The following FARP2 variants were observed in gnomAD, a reference collection of about 807,000 sequenced individuals.
FARP2 encodes the protein FERM, ARHGEF and pleckstrin domain-containing protein 2.
A neutral mutation model predicts 130.5 loss-of-function variants in FARP2; 111 were observed. The observed-to-expected ratio is 0.85, with a 90% CI of 0.73 to 1.00. The LOEUF (loss-of-function observed/expected upper bound fraction) is 1.00, where lower values mean the gene tolerates loss of function less well. FARP2 is among the 50% of genes least tolerant of loss of function. The pLI is 0.00. For missense variants in FARP2, 1,385 were observed against 1,346.3 expected, an observed-to-expected ratio of 1.03 and a Z score of -0.45; for synonymous variants, 504 against 516.9, an observed-to-expected ratio of 0.98 and a Z score of 0.34.
intron 13 of FARP2, 156 bp from the exon 14 acceptor site, chr2:241,456,591 T>C: frequency 1.5e-6 from 1 of 676,920 alleles, no homozygotes; most frequent in Non-Finnish European, 2.6e-6. Context: ...TGTTTAGAAT[T>C]GTGTGTGATA....
intron 14 of FARP2, among the ~76,000 whole-genome samples, chr2:241,457,573 C>T (rs112471192): frequency 1.5e-3 from 101 of 65,640 alleles, no homozygotes; most frequent in East Asian, 4.9e-3. Context: ...CGGAGAGGCT[C>T]TTGGGCGGGA....
chr2:241,396,398 A>G (rs552114264), intron 2 of FARP2, among the ~76,000 whole-genome samples: 8 of 152,034 alleles, frequency 5.3e-5, no homozygotes, highest in African/African-American at 1.7e-4. Flanking sequence ...TGAACAGGCA[A>G]CCTACAAAAT....
At chr2:241,450,717 C>G (rs980477045) in intron 13 of FARP2, among the ~76,000 whole-genome samples, 1 of 149,314 alleles carries the variant, frequency 6.7e-6, no homozygotes, top group Non-Finnish European at 1.5e-5. Context: ...CCCAGCAATT[C>G]GGGAGGCTGA....
At chr2:241,394,634 T>A in intron 2 of FARP2, among the ~76,000 whole-genome samples, 1 of 151,928 alleles carries the variant, frequency 6.6e-6, no homozygotes, top group Non-Finnish European at 1.5e-5. Context: ...TTATGGAGAG[T>A]GAACCTGTGG....
chr2:241,453,490 T>C (rs1022736693), intron 13 of FARP2, among the ~76,000 whole-genome samples: 99 of 150,486 alleles, frequency 6.6e-4, no homozygotes, highest in African/African-American at 1.6e-3. Context: ...GGCATGGTGG[T>C]GGGAGCCTGT....
intron 1 of FARP2, among the ~76,000 whole-genome samples, chr2:241,372,278 TG>T (rs2061441401): frequency 6.6e-6 from 1 of 152,000 alleles, no homozygotes; most frequent in African/African-American, 2.4e-5. Context: ...ATTGTGAGAA[TG>T]GGCAGGAGCT....
intron 2 of FARP2, among the ~76,000 whole-genome samples, chr2:241,387,807 AAAG>A (rs1327594950): frequency 2.0e-5 from 3 of 151,784 alleles, no homozygotes; most frequent in Admixed American, 6.6e-5. Flanking sequence ...AAAAAAAAAA[AAAG>A]AAAATTGTTT....
chr2:241,417,505 C>T (rs1489803075), intron 7 of FARP2, among the ~76,000 whole-genome samples: 2 of 152,042 alleles, frequency 1.3e-5, no homozygotes, highest in African/African-American at 4.8e-5. Context: ...GTATTTTTAG[C>T]AGAGACAGGG....
At chr2:241,408,382 A>C (rs1031329949) in intron 5 of FARP2, among the ~76,000 whole-genome samples, 1 of 151,922 alleles carries the variant, frequency 6.6e-6, no homozygotes, top group African/African-American at 2.4e-5. Context: ...AAAAAAAAAA[A>C]AGAAAAGAAA....
intron 8 of FARP2, among the ~76,000 whole-genome samples, chr2:241,419,034 T>A (rs1574785522): frequency 6.6e-6 from 1 of 152,332 alleles, no homozygotes; most frequent in Admixed American, 6.5e-5. Flanking sequence ...CTGCATGAGC[T>A]GCTGTTTCTT....
At chr2:241,488,870 ACT>A (rs1279155787) in intron 21 of FARP2, 1 of 151,914 alleles carries the variant, frequency 6.6e-6, no homozygotes, top group Non-Finnish European at 1.5e-5. Context: ...GCATCAGTCC[ACT>A]CTCTCTCATT....
chr2:241,437,112 TTAG>T (rs2063251263), intron 12 of FARP2, among the ~76,000 whole-genome samples: 1 of 152,252 alleles, frequency 6.6e-6, no homozygotes, highest in East Asian at 1.9e-4. Flanking sequence ...CTGTATTCAC[TTAG>T]TAGGATTTTT....
rs1254102658 is a variant in FARP2, at chr2:241,437,662, A to ATTTTTTTTTTTTTTT, written c.1158+1127_1158+1128insTTTTTTTTTTTTTTT. Among the ~76,000 whole-genome samples the ATTTTTTTTTTTTTTT allele has an allele frequency of 4.4e-5, 6 of 135,440 alleles. 1 individual carries two copies. The highest frequency in any genetic ancestry group is 3.5e-4 in the Admixed American group (4 of 11,386). The allele number at this position is 135,440 out of a possible 152,430, so 88.9% of individuals were successfully genotyped here. On this transcript the variant is annotated intron_variant, in intron 12 of 26. Coordinates refer to ENST00000264042, the MANE Select transcript of FARP2 (RefSeq NM_014808.4). ...TACATATATATATATTTATTTATTT[A>ATTTTTTTTTTTTTTT]TTTATTTATTTTTTTTTTTTGAGAC...
chr2:241,433,344 A>G (rs956582797), intron 9 of FARP2, among the ~76,000 whole-genome samples: 2 of 152,216 alleles, frequency 1.3e-5, no homozygotes, highest in Admixed American at 6.5e-5. Flanking sequence ...AACATACATC[A>G]GCAGGTTCAA....
At chr2:241,423,643 C>A (rs1216509856) in intron 8 of FARP2, among the ~76,000 whole-genome samples, 1 of 152,034 alleles carries the variant, frequency 6.6e-6, no homozygotes, top group Non-Finnish European at 1.5e-5. Flanking sequence ...GGCTAAATGC[C>A]CCCAATTAAA....
In FARP2 at chr2:241,394,360, T is replaced by TA. The variant is rs534946820; in HGVS notation, c.184-9467dup. 2.0e-3 allele frequency among the ~76,000 whole-genome samples: 310 copies of TA among 151,442 alleles called. 1 individual carries two copies. The highest frequency in any genetic ancestry group is 7.3e-3 in the African/African-American group (300 of 41,260). On this transcript the variant is annotated intron_variant, in intron 2 of 26. Coordinates refer to ENST00000264042, the MANE Select transcript of FARP2 (RefSeq NM_014808.4). ...GGTGAAACCCCATCTCTACTAAAAA[T>TA]ACAAAAAAATAGCTGGGCGTGATGG...
Position 241,441,827 on chromosome 2 carries a change from C to T in FARP2, c.1411+271C>T, listed in dbSNP as rs1054552815. 22 of 555,982 alleles carry T rather than the reference C, an allele frequency of 4.0e-5. No individual in the cohort carries two copies. The African/African-American group carries it at 4.2e-4, about 11-fold the overall frequency. 34.4% of individuals were successfully genotyped at this position (555,982 alleles called of 1,614,324 possible). A position where few individuals can be genotyped will look rare whatever the true frequency, so the allele number is the denominator to read the frequency against. On this transcript the variant is annotated intron_variant, in intron 13 of 26. Transcript: ENST00000264042. Reference sequence around the variant, plus strand: ...GAGGAGTTCATAGACGATGACCCAGCAGACATCTCCTTCTTTGCTGGAGGC... The same window carrying T: ...GAGGAGTTCATAGACGATGACCCAGTAGACATCTCCTTCTTTGCTGGAGGC...
chr2:241,475,039 A>G lies in FARP2; in HGVS notation c.2132-818A>G, dbSNP rs911945071. On this transcript the variant is annotated intron_variant, in intron 18 of 26. Transcript: ENST00000264042. This position sits in a 1 kb window ranked among gnomAD's most constrained non-coding sequence, Gnocchi z 4.4. ...CTGTCCAGATTATAAACTTTCTCTT[A>G]TCTTTGCTTGAACTATAAGATTAGC... is the stretch of plus-strand genomic sequence containing the variant. 6.6e-6 allele frequency among the ~76,000 whole-genome samples: 1 copy of G among 152,198 alleles called. No individual in the cohort carries two copies. Among genetic ancestry groups the G allele is most frequent in the African/African-American group, 2.4e-5 (1 of 41,444 alleles).
At chr2:241,440,312 T>TGACTGCATCCCGTGATA in intron 12 of FARP2, among the ~76,000 whole-genome samples, 1 of 152,334 alleles carries the variant, frequency 6.6e-6, no homozygotes, top group South Asian at 2.1e-4. Context: ...CCCCAAAGCG[T>TGACTGCATCCCGTGATA]GACTGCATCC....
Sources: allele counts gnomAD v4.1 joint callset (sites outside exome capture counted in the v4.1 genomes callset), GRCh38; gene constraint gnomAD v4.1.1; non-coding constraint Gnocchi (gnomAD v3.1); transcripts MANE v1.5; gene names NCBI Gene and HGNC (gene_info 2026-07-23, HGNC 2026-07-21).